Variants in AKAP19 observed in about 807,000 individuals in gnomAD.
AKAP19 encodes the protein small A-kinase anchoring protein.
the AKAP19 span, among the ~76,000 whole-genome samples, chr2:190,145,378 C>A: frequency 6.6e-6 from 1 of 152,172 alleles, no homozygotes; most frequent in Non-Finnish European, 1.5e-5. Context: ...TTCCCTACTG[C>A]TGGATACTTG....
chr2:190,195,347 G>A, the AKAP19 span, among the ~76,000 whole-genome samples: 1 of 149,252 alleles, frequency 6.7e-6, no homozygotes, highest in Admixed American at 6.7e-5. Flanking sequence ...CCAAGAAGCA[G>A]AACTGCTGGA....
the AKAP19 span, among the ~76,000 whole-genome samples, chr2:189,896,881 T>G: frequency 6.6e-6 from 1 of 151,992 alleles, no homozygotes; most frequent in Non-Finnish European, 1.5e-5. Flanking sequence ...TGAAATATAT[T>G]TAATATATAT....
At chr2:190,039,537 T>C in the AKAP19 span, among the ~76,000 whole-genome samples, 1 of 152,154 alleles carries the variant, frequency 6.6e-6, no homozygotes, top group Non-Finnish European at 1.5e-5. Context: ...TTTTAACTTT[T>C]AAGTTTGGAG....
the AKAP19 span, among the ~76,000 whole-genome samples, chr2:190,041,268 C>A: frequency 6.6e-6 from 1 of 151,924 alleles, no homozygotes; most frequent in Admixed American, 6.6e-5. Context: ...GTATTTTATT[C>A]TTTTGTGGCA....
the AKAP19 span, among the ~76,000 whole-genome samples, chr2:190,143,716 G>T: frequency 6.6e-6 from 1 of 151,810 alleles, no homozygotes; most frequent in Non-Finnish European, 1.5e-5. Flanking sequence ...AAAGACACAT[G>T]CACATGTATG....
the AKAP19 span, among the ~76,000 whole-genome samples, chr2:189,986,996 A>G: frequency 6.6e-6 from 1 of 152,130 alleles, no homozygotes; most frequent in Non-Finnish European, 1.5e-5. Flanking sequence ...CATGTCCAAA[A>G]AACCCCGTAA....
chr2:190,068,399 G>A, the AKAP19 span, among the ~76,000 whole-genome samples: 1 of 152,112 alleles, frequency 6.6e-6, no homozygotes, highest in Non-Finnish European at 1.5e-5. Context: ...GCAGGATCTC[G>A]GCTCACTGCA....
the AKAP19 span, chr2:190,200,404 A>AGAAGTGC: frequency 2.6e-6 from 1 of 391,730 alleles, no homozygotes; most frequent in Admixed American, 4.0e-5. Context: ...AATCAGCTGA[A>AGAAGTGC]TGTCACAGCA....
the AKAP19 span, among the ~76,000 whole-genome samples, chr2:189,944,253 G>T: frequency 6.6e-6 from 1 of 152,162 alleles, no homozygotes; most frequent in African/African-American, 2.4e-5. Flanking sequence ...AAGGCCTGGT[G>T]CTGTCTTTGT....
the AKAP19 span, among the ~76,000 whole-genome samples, chr2:189,993,953 G>T: frequency 6.6e-6 from 1 of 150,876 alleles, no homozygotes; most frequent in African/African-American, 2.4e-5. Flanking sequence ...TCAAAAAGTC[G>T]GCTTTTTGTT....
chr2:189,929,616 A>G, the AKAP19 span, among the ~76,000 whole-genome samples: 1 of 152,076 alleles, frequency 6.6e-6, no homozygotes, highest in African/African-American at 2.4e-5. Context: ...CTAGGATATC[A>G]CTTTGAATTC....
chr2:190,180,661 A>T, the AKAP19 span: 3 of 985,068 alleles, frequency 3.0e-6, no homozygotes, highest in Non-Finnish European at 3.6e-6. The surrounding 1 kb of genome is among the most constrained non-coding windows in gnomAD (Gnocchi z 6.8). Flanking sequence ...CCTGCGCCTG[A>T]GGAAGTATCG....
chr2:189,915,835 A>G, the AKAP19 span, among the ~76,000 whole-genome samples: 2 of 152,164 alleles, frequency 1.3e-5, no homozygotes, highest in African/African-American at 2.4e-5. Context: ...TTTGCATGCA[A>G]TAAGATGAAA....
the AKAP19 span, among the ~76,000 whole-genome samples, chr2:190,014,606 A>G: frequency 1.3e-5 from 2 of 152,030 alleles, no homozygotes; most frequent in Non-Finnish European, 2.9e-5. Flanking sequence ...TCACATTTCA[A>G]AACAAATCCT....
At chr2:190,042,354 G>A in the AKAP19 span, among the ~76,000 whole-genome samples, 3 of 151,926 alleles carry the variant, frequency 2.0e-5, no homozygotes, top group East Asian at 3.9e-4. Context: ...CTGTGGGGCC[G>A]GTGGTAACAT....
the AKAP19 span, among the ~76,000 whole-genome samples, chr2:189,933,699 T>C: frequency 6.6e-6 from 1 of 152,188 alleles, no homozygotes; most frequent in South Asian, 2.1e-4. Flanking sequence ...CCCAACATTT[T>C]TGAAATTTAT....
At chr2:190,113,136 A>G in the AKAP19 span, among the ~76,000 whole-genome samples, 1 of 152,078 alleles carries the variant, frequency 6.6e-6, no homozygotes, top group African/African-American at 2.4e-5. Flanking sequence ...TAAGTCTTTC[A>G]GCTATTTTCA....
At chr2:189,945,707 G>A in the AKAP19 span, among the ~76,000 whole-genome samples, 1 of 152,246 alleles carries the variant, frequency 6.6e-6, no homozygotes, top group Middle Eastern at 3.4e-3. Context: ...ATTCAAATAT[G>A]TTATTATCAT....
At chr2:189,950,804 C>T in the AKAP19 span, among the ~76,000 whole-genome samples, 1 of 152,168 alleles carries the variant, frequency 6.6e-6, no homozygotes, top group Admixed American at 6.5e-5. Context: ...CTTGTCCTGC[C>T]ATTGAGAAAA....
Sources: allele counts gnomAD v4.1 joint callset (sites outside exome capture counted in the v4.1 genomes callset), GRCh38; gene constraint gnomAD v4.1.1; non-coding constraint Gnocchi (gnomAD v3.1); transcripts MANE v1.5; gene names NCBI Gene and HGNC (gene_info 2026-07-23, HGNC 2026-07-21).